The following PROZ variants were observed in gnomAD, a reference collection of about 807,000 sequenced individuals.
The protein encoded by PROZ is vitamin K-dependent protein Z.
Under a neutral mutation model 34.9 loss-of-function variants are expected in PROZ, and 46 were observed. That is an observed-to-expected ratio of 1.32 (90% confidence interval 1.04 to 1.69). The LOEUF is 1.69. Among genes scored for constraint, PROZ ranks in the 40% most tolerant of loss-of-function variants. PROZ has a pLI of 0.00. For synonymous variants in PROZ, 195 were observed against 208.5 expected (o/e 0.94, Z 0.56); for missense variants, 530 against 520.4 (o/e 1.02, Z -0.18).
Position 113,158,648 on chromosome 13 carries a change from G to C in PROZ, c.-13G>C, listed in dbSNP as rs2273971. 3.8e-6 allele frequency: 6 copies of C among 1,597,186 alleles called. No homozygotes were observed. In the East Asian group the frequency reaches 1.1e-4, roughly 30 times the overall value. On this transcript the variant is annotated 5_prime_UTR_variant, in exon 1 of 8. Coordinates refer to ENST00000375547, the MANE Select transcript of PROZ (RefSeq NM_003891.3). This position sits in a 1 kb window ranked among gnomAD's most constrained non-coding sequence, Gnocchi z 4.3. ...GCTGTGTTTGTAGCCCTGTCCCAGCGCTCCGGGTGGGAATGGCAGGCTGCG... is the reference window on the plus strand; with the variant it reads ...GCTGTGTTTGTAGCCCTGTCCCAGCCCTCCGGGTGGGAATGGCAGGCTGCG...
chr13:113,165,534 TG>T (rs1595116721), intron 6 of PROZ, among the ~76,000 whole-genome samples: 1 of 152,226 alleles, frequency 6.6e-6, no homozygotes, highest in South Asian at 2.1e-4. Flanking sequence ...CATTTGTTTT[TG>T]GTTTGTTTTT....
Position 113,171,204 on chromosome 13 carries a change from T to C in PROZ, c.692-390T>C, listed in dbSNP as rs879863730. On this transcript the variant is annotated intron_variant, in intron 7 of 7. Transcript: ENST00000375547. This position sits in a 1 kb window ranked among gnomAD's most constrained non-coding sequence, Gnocchi z 5.1. ...TCCCGAAGCGCTGGGATTACAGATG[T>C]GAGCCACTGTGCCTGGCCCTTAAAT... Among the ~76,000 whole-genome samples the C allele has an allele frequency of 2.0e-5, 3 of 152,222 alleles. No individual in the cohort carries two copies. Among genetic ancestry groups the C allele is most frequent in the Non-Finnish European group, 2.9e-5 (2 of 68,038 alleles).
intron 6 of PROZ, 104 bp downstream of exon 6, chr13:113,165,224 G>T: frequency 8.3e-7 from 1 of 1,200,012 alleles, no homozygotes; most frequent in South Asian, 1.3e-5. Flanking sequence ...CAGGCATCCT[G>T]ACTTTGATGG....
chr13:113,158,992 C>T lies in PROZ; in HGVS notation c.70+262C>T, dbSNP rs866795952. Among the ~76,000 whole-genome samples, 4 of 62,806 alleles carry T rather than the reference C, an allele frequency of 6.4e-5. No individual in the cohort carries two copies. The highest frequency in any genetic ancestry group is 1.3e-4 in the African/African-American group (2 of 15,928). 41.2% of individuals were successfully genotyped at this position (62,806 alleles called of 152,430 possible). ...TGCAGGGGATTCAGCCGGGAAAGGC[C>T]GGGGAGAGGGGAGGGGGAAAGGGGG... is the stretch of plus-strand genomic sequence containing the variant. On this transcript the variant is annotated intron_variant, in intron 1 of 7. Transcript: ENST00000375547. This position sits in a 1 kb window ranked among gnomAD's most constrained non-coding sequence, Gnocchi z 4.3.
intron 4 of PROZ, 124 bp from the exon 5 acceptor site, chr13:113,164,389 C>T: frequency 9.0e-7 from 1 of 1,114,242 alleles, no homozygotes; most frequent in Non-Finnish European, 1.3e-6. Flanking sequence ...GACCAACACA[C>T]CAGAACTCTT....
In PROZ at chr13:113,171,240, C is replaced by A. The variant is rs1566932480; in HGVS notation, c.692-354C>A. On this transcript the variant is annotated intron_variant, in intron 7 of 7. Coordinates refer to ENST00000375547, the MANE Select transcript of PROZ (RefSeq NM_003891.3). This position sits in a 1 kb window ranked among gnomAD's most constrained non-coding sequence, Gnocchi z 5.1. Reference sequence around the variant, plus strand: ...GCCTGGCCCTTAAATATTTTTCAATCAACAAAATAACGTGAAAACCACTTC... The same window carrying A: ...GCCTGGCCCTTAAATATTTTTCAATAAACAAAATAACGTGAAAACCACTTC... 6.6e-6 allele frequency among the ~76,000 whole-genome samples: 1 copy of A among 152,168 alleles called. No homozygotes were observed. Among genetic ancestry groups the A allele is most frequent in the African/African-American group, 2.4e-5 (1 of 41,446 alleles).
chr13:113,164,637 G>GCTCGGA lies in PROZ; in HGVS notation c.499_500insTCGGAC (p.Val166_Pro167insLeuGly). On this transcript the variant is annotated inframe_insertion, in exon 5 of 8. Transcript: ENST00000375547. ...TTGGTGAGGACCACAAACAGTGTGT[G>GCTCGGA]CCCCACGGTGAGTGCTCAGACCACA... 2 of 1,613,666 alleles carry GCTCGGA rather than the reference G, an allele frequency of 1.2e-6. No homozygotes were observed. Among genetic ancestry groups the GCTCGGA allele is most frequent in the Non-Finnish European group, 1.7e-6 (2 of 1,179,974 alleles).
chr13:113,172,179 G>T lies in PROZ; in HGVS notation c.*74G>T, dbSNP rs190663977. 2.6e-6 allele frequency: 4 copies of T among 1,568,092 alleles called. No homozygotes were observed. The highest frequency in any genetic ancestry group is 3.5e-6 in the Non-Finnish European group (4 of 1,153,576). ...CAAGCTGGCACTGCCACTGTGGAGG[G>T]CGCTGAAACTTCATCACACACTGAG... On this transcript the variant is annotated 3_prime_UTR_variant, in exon 8 of 8. Coordinates refer to ENST00000375547, the MANE Select transcript of PROZ (RefSeq NM_003891.3).
At chr13:113,164,775 C>A (rs898094591) in intron 5 of PROZ, 131 bp downstream of exon 5, 14 of 1,410,058 alleles carry the variant, frequency 9.9e-6, no homozygotes, top group Non-Finnish European at 1.4e-5. Context: ...AGAAGGTGGT[C>A]CGCGTCTCCA....
chr13:113,165,191 G>T, intron 6 of PROZ, 71 bp downstream of exon 6: 1 of 1,496,934 alleles, frequency 6.7e-7, no homozygotes, highest in South Asian at 1.1e-5. Context: ...TTCCTAAATA[G>T]AAATGTTGAC....
At chr13:113,167,768 A>G (rs907027653) in intron 6 of PROZ, among the ~76,000 whole-genome samples, 25 of 152,332 alleles carry the variant, frequency 1.6e-4, no homozygotes, top group African/African-American at 5.3e-4. Flanking sequence ...TGGGGTATTT[A>G]GGCCATTTTA....
chr13:113,171,636 C>G lies in PROZ; in HGVS notation c.734C>G (p.Thr245Arg). The change falls in exon 8 of 8, where the codon ACG becomes AGG. Residue 245 changes from threonine to arginine, a missense_variant. By Grantham distance (71) the Thr-to-Arg change is moderately conservative (BLOSUM62 -1). Transcript: ENST00000375547. The surrounding 1 kb of genome is among the most constrained non-coding windows in gnomAD (Gnocchi z 5.1). ...CAAGACCCGCTGATGATCAAGATAACGCACGTCCATGTGCACATGCGGTAT... is the reference window on the plus strand; with the variant it reads ...CAAGACCCGCTGATGATCAAGATAAGGCACGTCCATGTGCACATGCGGTAT... ...TSQDPLMIKITHVHVHMRYDA... is the reference protein window; with the variant it reads ...TSQDPLMIKIRHVHVHMRYDA... 1 of 1,614,164 alleles carries G rather than the reference C, an allele frequency of 6.2e-7. No individual in the cohort carries two copies. The highest frequency in any genetic ancestry group is 8.5e-7 in the Non-Finnish European group (1 of 1,180,042).
rs2036749194 is a variant in PROZ, at chr13:113,160,965, A to C, written c.252A>C (p.Arg84=). ...NEVVTDEFWR[R]YKGGSPCISQ... ...CTCTAAAGGATGAATTCTGGAGACGATATAAGGGTAAGTGGTTTCCTTCGT... is the reference window on the plus strand; with the variant it reads ...CTCTAAAGGATGAATTCTGGAGACGCTATAAGGGTAAGTGGTTTCCTTCGT... The change falls in exon 3 of 8, where the codon CGA becomes CGC. Residue 84 remains arginine, a synonymous_variant. Transcript: ENST00000375547. 1 of 1,606,076 alleles carries C rather than the reference A, an allele frequency of 6.2e-7. No individual in the cohort carries two copies.
At chr13:113,164,135 A>G (rs1053575101) in intron 4 of PROZ, among the ~76,000 whole-genome samples, 2 of 151,734 alleles carry the variant, frequency 1.3e-5, no homozygotes, top group African/African-American at 2.4e-5. Flanking sequence ...ACGCGCCACC[A>G]CGCCTGGCTA....
In PROZ at chr13:113,165,070, G is replaced by T; in HGVS notation, c.523G>T (p.Val175Leu). Residue 175 changes from valine (V) to leucine (L), a missense_variant, in exon 6 of 8, where the codon GTG (valine) becomes TTG (leucine). Val to Leu is a conservative substitution (Grantham distance 32, BLOSUM62 1). Coordinates refer to ENST00000375547, the MANE Select transcript of PROZ (RefSeq NM_003891.3). Reference protein sequence around the residue: ...CVPHDQCACGVLTSEKRAPDL... With the variant: ...CVPHDQCACGLLTSEKRAPDL... ...AAATGCAGACCAGTGTGCCTGCGGG[G>T]TGCTGACCTCTGAGAAGCGTGCACC... 4 of 1,613,358 alleles carry T rather than the reference G, an allele frequency of 2.5e-6. No homozygotes were observed. Among genetic ancestry groups the T allele is most frequent in the Non-Finnish European group, 3.4e-6 (4 of 1,180,038 alleles).
At chr13:113,164,311 C>G (rs2036853401) in intron 4 of PROZ, among the ~76,000 whole-genome samples, 1 of 152,066 alleles carries the variant, frequency 6.6e-6, no homozygotes, top group Non-Finnish European at 1.5e-5. Context: ...CATGCACATT[C>G]CTGAAATACG....
In PROZ at chr13:113,159,058, A is replaced by C; in HGVS notation, c.70+328A>C. 1 of 260,638 alleles carries C rather than the reference A, an allele frequency of 3.8e-6. No homozygotes were observed. The highest frequency in any genetic ancestry group is 6.4e-6 in the Non-Finnish European group (1 of 155,192). The allele number at this position is 260,638 out of a possible 1,614,324, so 16.1% of individuals were successfully genotyped here. On this transcript the variant is annotated intron_variant, in intron 1 of 7. Coordinates refer to ENST00000375547, the MANE Select transcript of PROZ (RefSeq NM_003891.3). The surrounding 1 kb of genome is among the most constrained non-coding windows in gnomAD (Gnocchi z 4.6). ...CCTGGGTTGGGCATTGGACGAGGGG[A>C]GGGGGTGGGGCAGGCTGAGCCCAGA...
chr13:113,170,604 AT>A, intron 7 of PROZ, 74 bp downstream of exon 7: 1 of 947,196 alleles, frequency 1.1e-6, no homozygotes. Flanking sequence ...GAAATGACAA[AT>A]TTAAAACTGG....
Position 113,159,158 on chromosome 13 carries a change from G to C in PROZ, c.70+428G>C, listed in dbSNP as rs1198095443. 1 of 1,418,984 alleles carries C rather than the reference G, an allele frequency of 7.0e-7. No homozygotes were observed. The highest frequency in any genetic ancestry group is 9.7e-7 in the Non-Finnish European group (1 of 1,027,340). The allele number at this position is 1,418,984 out of a possible 1,614,324, so 87.9% of individuals were successfully genotyped here. ...GTCTTGAGTCAGGAGACATAGCCAGGGAGCAGCCACCCTGCCTGCCTGCCA... is the reference window on the plus strand; with the variant it reads ...GTCTTGAGTCAGGAGACATAGCCAGCGAGCAGCCACCCTGCCTGCCTGCCA... On this transcript the variant is annotated intron_variant, in intron 1 of 7. Transcript: ENST00000375547. This position sits in a 1 kb window ranked among gnomAD's most constrained non-coding sequence, Gnocchi z 4.6.
Sources: gnomAD v4.1 joint callset for allele counts (sites outside exome capture counted in the v4.1 genomes callset) on GRCh38, gnomAD v4.1.1 for gene constraint, Gnocchi (gnomAD v3.1) non-coding constraint, MANE v1.5 for transcripts, NCBI Gene and HGNC (gene_info 2026-07-23, HGNC 2026-07-21) for gene names.